Variants in TRPC5 observed in about 807,000 individuals in gnomAD.
TRPC5 encodes short transient receptor potential channel 5.
A neutral mutation model predicts 56.5 loss-of-function variants in TRPC5; 9 were observed. The ratio of observed to expected loss-of-function variants is 0.16; its 90% CI spans 0.10 to 0.28. The LOEUF (loss-of-function observed/expected upper bound fraction) is 0.28, where lower values mean the gene tolerates loss of function less well. Among genes scored for constraint, TRPC5 ranks in the 10% least tolerant of loss-of-function variants. The pLI, the probability that TRPC5 is intolerant of heterozygous loss-of-function variation, is 1.00. For missense variants in TRPC5, 469 were observed against 748.9 expected (o/e 0.63, Z 4.36); for synonymous variants, 282 against 278.5 (o/e 1.01, Z -0.13).
At chrX:111,963,856 A>C (rs1927471520) in intron 1 of TRPC5, among the ~76,000 whole-genome samples, 1 of 111,600 alleles carries the variant, frequency 9.0e-6, no homozygotes, top group Admixed American at 9.5e-5. Context: ...AAAGAAGATA[A>C]AACCACAAAG....
At chrX:111,860,592 A>G (rs1923378119) in intron 3 of TRPC5, among the ~76,000 whole-genome samples, 1 of 112,294 alleles carries the variant, frequency 8.9e-6, no homozygotes, top group Non-Finnish European at 1.9e-5. Flanking sequence ...TGTAAATAAC[A>G]AAATGTCCAG....
chrX:112,001,214 G>A (rs1253473876), intron 1 of TRPC5, among the ~76,000 whole-genome samples: 1 of 111,686 alleles, frequency 9.0e-6, no homozygotes, highest in Non-Finnish European at 1.9e-5. Context: ...TGGTAAAGAG[G>A]CAGTAGAATG....
chrX:112,074,190 C>T (rs1334342917), intron 1 of TRPC5, among the ~76,000 whole-genome samples: 2 of 110,559 alleles, frequency 1.8e-5, no homozygotes. Flanking sequence ...TGTACCTAAC[C>T]ACAGTGCTAC....
intron 2 of TRPC5, among the ~76,000 whole-genome samples, chrX:111,939,335 C>T (rs1222514559): frequency 9.0e-6 from 1 of 111,042 alleles, no homozygotes; most frequent in Non-Finnish European, 1.9e-5. Context: ...GTCAATATTC[C>T]TCAGGAATAT....
chrX:111,893,200 GAAGA>G (rs1924894798), intron 3 of TRPC5, among the ~76,000 whole-genome samples: 1 of 109,242 alleles, frequency 9.2e-6, no homozygotes, highest in South Asian at 4.0e-4. Flanking sequence ...TCAGAAAGCT[GAAGA>G]AAGACTTGGA....
chrX:111,993,136 G>A (rs1383772993), intron 1 of TRPC5, among the ~76,000 whole-genome samples: 1 of 105,463 alleles, frequency 9.5e-6, no homozygotes, highest in African/African-American at 3.5e-5. Context: ...CTGCCTATGA[G>A]TGAGAAAATG....
At chrX:111,994,184 G>C (rs1015054964) in intron 1 of TRPC5, among the ~76,000 whole-genome samples, 6 of 111,240 alleles carry the variant, frequency 5.4e-5, no homozygotes, top group South Asian at 3.8e-4. Context: ...TCTTGTTTTT[G>C]TCAGGTTTGT....
intron 3 of TRPC5, among the ~76,000 whole-genome samples, chrX:111,861,610 T>A (rs1212184292): frequency 8.9e-6 from 1 of 112,123 alleles, no homozygotes; most frequent in African/African-American, 3.2e-5. Flanking sequence ...CTGTTAATTT[T>A]TTTTTGTGAC....
intron 1 of TRPC5, among the ~76,000 whole-genome samples, chrX:111,963,991 T>C (rs1462544553): frequency 9.0e-6 from 1 of 111,485 alleles, no homozygotes; most frequent in Non-Finnish European, 1.9e-5. Context: ...TTTGACGAGT[T>C]GAGAGAGGAA....
chrX:111,984,894 T>C (rs1928173978), intron 1 of TRPC5, among the ~76,000 whole-genome samples: 1 of 112,430 alleles, frequency 8.9e-6, no homozygotes, highest in Admixed American at 9.4e-5. Context: ...TTATACTATG[T>C]ATATATCAAG....
At position 111,859,900 on chromosome X, in the gene TRPC5, GT is replaced by G. The variant is rs1215273006; in HGVS notation, c.901-5795del. ...TGTAATTTAAGAATACCTACAACTA[GT>G]TTTTTTGTTTGTTTGTTTGTTTTTT... is the stretch of plus-strand genomic sequence containing the variant. On this transcript the variant is annotated intron_variant, in intron 3 of 10. Coordinates refer to ENST00000262839, the MANE Select transcript of TRPC5 (RefSeq NM_012471.3). 6.2e-5 allele frequency among the ~76,000 whole-genome samples: 7 copies of G among 112,477 alleles called. No homozygotes were observed. In the South Asian group the frequency reaches 2.2e-3, roughly 35 times the overall value.
intron 7 of TRPC5, among the ~76,000 whole-genome samples, chrX:111,814,099 T>A (rs778128875): frequency 2.7e-4 from 30 of 112,498 alleles, no homozygotes; most frequent in African/African-American, 9.7e-4. Context: ...TAAAAATATG[T>A]TAGCATTTTG....
chrX:112,027,875 C>G (rs1929463490), intron 1 of TRPC5, among the ~76,000 whole-genome samples: 2 of 111,943 alleles, frequency 1.8e-5, no homozygotes, highest in Admixed American at 1.9e-4. Context: ...AGTGCAGTGA[C>G]TATTATATAC....
At chrX:111,940,311 A>T (rs1436802662) in intron 2 of TRPC5, among the ~76,000 whole-genome samples, 7 of 111,683 alleles carry the variant, frequency 6.3e-5, no homozygotes, top group Non-Finnish European at 1.3e-4. Context: ...CAGTGGGATG[A>T]TCTGGACTCT....
At chrX:111,797,524 C>T (rs73544240) in intron 7 of TRPC5, among the ~76,000 whole-genome samples, 5 of 111,466 alleles carry the variant, frequency 4.5e-5, no homozygotes, top group Non-Finnish European at 7.5e-5. Flanking sequence ...AAAAATGAAG[C>T]CTTTAGATAA....
At chrX:111,933,851 T>C (rs2148629257) in intron 2 of TRPC5, among the ~76,000 whole-genome samples, 1 of 111,469 alleles carries the variant, frequency 9.0e-6, no homozygotes, top group South Asian at 3.8e-4. Flanking sequence ...TCTTTTTTTG[T>C]AACATCCCCC....
chrX:111,793,749 A>G (rs1427400159), intron 7 of TRPC5, among the ~76,000 whole-genome samples: 2 of 112,180 alleles, frequency 1.8e-5, no homozygotes, highest in African/African-American at 6.5e-5. Context: ...AAACTTGTAT[A>G]CAAATGTTCA....
intron 2 of TRPC5, among the ~76,000 whole-genome samples, chrX:111,916,857 C>T (rs1333430387): frequency 8.9e-6 from 1 of 112,845 alleles, no homozygotes; most frequent in Non-Finnish European, 1.9e-5. Flanking sequence ...ACAAATTTGG[C>T]TCCAGTGAAC....
At chrX:111,951,049 A>G (rs1303618803) in intron 2 of TRPC5, among the ~76,000 whole-genome samples, 3 of 111,791 alleles carry the variant, frequency 2.7e-5, no homozygotes, top group East Asian at 5.6e-4. Context: ...ATAATGCCTT[A>G]TTCTTGGGAT....
Sources: allele counts gnomAD v4.1 joint callset (sites outside exome capture counted in the v4.1 genomes callset), GRCh38; gene constraint gnomAD v4.1.1; transcripts MANE v1.5; gene names NCBI Gene and HGNC (gene_info 2026-07-23, HGNC 2026-07-21).